Variants in CEP162 observed in about 807,000 individuals in gnomAD.
The protein encoded by CEP162 is centrosomal protein 162, also known as centrosomal protein of 162 kDa.
Under a neutral mutation model 169.2 loss-of-function variants are expected in CEP162, and 141 were observed. The observed-to-expected ratio is 0.83, with a 90% CI of 0.73 to 0.96. The LOEUF is 0.96. CEP162 is among the 40% of genes least tolerant of loss of function. CEP162 has a pLI of 0.00. For synonymous variants in CEP162, 540 were observed against 526.4 expected, an observed-to-expected ratio of 1.03 and a Z score of -0.35; for missense variants, 1,600 against 1,587.2, an observed-to-expected ratio of 1.01 and a Z score of -0.14.
intron 11 of CEP162, among the ~76,000 whole-genome samples, chr6:84,189,254 C>T (rs1433019464): frequency 2.0e-5 from 3 of 152,170 alleles, no homozygotes; most frequent in Non-Finnish European, 4.4e-5. Flanking sequence ...CCTGCCTGGG[C>T]TCCCACTTTG....
At chr6:84,170,373 C>CAAAAA (rs57988482) in intron 17 of CEP162, among the ~76,000 whole-genome samples, 2 of 28,348 alleles carry the variant, frequency 7.1e-5, no homozygotes, top group Non-Finnish European at 2.5e-4. Context: ...GACTCCGTCT[C>CAAAAA]AAAAAAAAAA....
At chr6:84,173,049 A>G (rs1033621607) in intron 16 of CEP162, among the ~76,000 whole-genome samples, 3 of 152,206 alleles carry the variant, frequency 2.0e-5, no homozygotes, top group African/African-American at 7.2e-5. Flanking sequence ...TTTCACCCTC[A>G]GGGCATTAGC....
intron 23 of CEP162, among the ~76,000 whole-genome samples, chr6:84,149,911 A>G (rs1391788694): frequency 6.6e-6 from 1 of 151,938 alleles, no homozygotes; most frequent in Non-Finnish European, 1.5e-5. Context: ...ACTGAATTTT[A>G]TAAGGGCAAA....
chr6:84,195,121 C>T lies in CEP162; in HGVS notation c.836-46G>A. The stretch of plus-strand genomic sequence containing the variant: ...ACCAGAAATAATTACATCACAAATA[C>T]ATGAGAACGATAAAACACTAATATC... On this transcript the variant is annotated intron_variant, in intron 9 of 26. Coordinates refer to ENST00000403245, the MANE Select transcript of CEP162 (RefSeq NM_014895.4). 2 of 1,383,712 alleles carry T rather than the reference C, an allele frequency of 1.4e-6. 1 individual carries two copies. 85.7% of individuals were successfully genotyped at this position (1,383,712 alleles called of 1,614,324 possible).
At chr6:84,212,905 A>G in intron 6 of CEP162, 52 bp downstream of exon 6, 2 of 1,079,804 alleles carry the variant, frequency 1.9e-6, no homozygotes, top group East Asian at 2.6e-5. Flanking sequence ...GTCTTTATTA[A>G]AAGCTATATT....
chr6:84,177,511 T>G (rs1562046606), intron 13 of CEP162, among the ~76,000 whole-genome samples: 1 of 152,018 alleles, frequency 6.6e-6, no homozygotes, highest in Non-Finnish European at 1.5e-5. Flanking sequence ...CACCCAGAGG[T>G]TCACAATAAA....
chr6:84,186,651 T>C, intron 11 of CEP162, 28 bp from the exon 12 acceptor site: 1 of 1,560,732 alleles, frequency 6.4e-7, no homozygotes, highest in Non-Finnish European at 8.6e-7. Flanking sequence ...ACACAGATAA[T>C]GAACCCTATG....
chr6:84,209,463 C>T (rs1489346083), intron 6 of CEP162, among the ~76,000 whole-genome samples: 1 of 151,878 alleles, frequency 6.6e-6, no homozygotes, highest in Non-Finnish European at 1.5e-5. Flanking sequence ...CAACCTCTGC[C>T]TCCTGGGTCC....
chr6:84,124,769 C>T lies in CEP162; in HGVS notation c.*301G>A, dbSNP rs567832866. 23 of 338,484 alleles carry T rather than the reference C, an allele frequency of 6.8e-5. No individual in the cohort carries two copies. Among genetic ancestry groups the T allele is most frequent in the South Asian group, 6.2e-4 (17 of 27,364 alleles). 21.0% of individuals were successfully genotyped at this position (338,484 alleles called of 1,614,324 possible). A position where few individuals can be genotyped will look rare whatever the true frequency, so the allele number is the denominator to read the frequency against. ...CCTCACATTATCAATAAAAATGTGG[C>T]GGAGTATGTTCAATTTTCTTTTCTT... On this transcript the variant is annotated 3_prime_UTR_variant, in exon 27 of 27. Coordinates refer to ENST00000403245, the MANE Select transcript of CEP162 (RefSeq NM_014895.4).
At chr6:84,210,265 G>T (rs1302909189) in intron 6 of CEP162, among the ~76,000 whole-genome samples, 1 of 152,156 alleles carries the variant, frequency 6.6e-6, no homozygotes, top group African/African-American at 2.4e-5. Context: ...AATTGTAAAA[G>T]AACCTTTTGG....
intron 6 of CEP162, among the ~76,000 whole-genome samples, chr6:84,207,609 C>T (rs1391886184): frequency 2.6e-5 from 4 of 151,562 alleles, no homozygotes; most frequent in Admixed American, 6.6e-5. Context: ...GGAGATATAC[C>T]TAATGTAAAT....
chr6:84,155,558 A>G, intron 21 of CEP162, 48 bp from the exon 22 acceptor site: 1 of 1,269,688 alleles, frequency 7.9e-7, no homozygotes, highest in Non-Finnish European at 1.1e-6. Context: ...TTAATAAATG[A>G]ATTCAGTAAA....
Position 84,174,915 on chromosome 6 carries a change from A to G in CEP162, c.1837T>C (p.Leu613=). The change falls in exon 15 of 27, where the codon TTA becomes CTA. Residue 613 remains leucine, a synonymous_variant. Coordinates refer to ENST00000403245, the MANE Select transcript of CEP162 (RefSeq NM_014895.4). ...TCCTGAACTCTTTTAAACATAAGTA[A>G]TTTCTTCTCCTTGTTCTCACCACAG... The part of the protein sequence containing the change: ...GYCGENKEKK[L]LMFKRVQEAE... 6.3e-7 allele frequency: 1 copy of G among 1,591,530 alleles called. No homozygotes were observed. The highest frequency in any genetic ancestry group is 8.6e-7 in the Non-Finnish European group (1 of 1,168,480).
At chr6:84,188,378 C>T (rs1049233076) in intron 11 of CEP162, among the ~76,000 whole-genome samples, 4 of 152,106 alleles carry the variant, frequency 2.6e-5, no homozygotes, top group Non-Finnish European at 5.9e-5. Context: ...TCGATCTTCA[C>T]CCTCCTCCCA....
At chr6:84,198,516 G>A (rs2099543100) in intron 9 of CEP162, among the ~76,000 whole-genome samples, 1 of 152,142 alleles carries the variant, frequency 6.6e-6, no homozygotes, top group Non-Finnish European at 1.5e-5. Context: ...CTGACCTCAG[G>A]TGATCTGCCC....
Position 84,154,234 on chromosome 6 carries a change from A to G in CEP162, c.2995-1055T>C, listed in dbSNP as rs532686395. On this transcript the variant is annotated intron_variant, in intron 22 of 26. Transcript: ENST00000403245. ...TAGCGGGTTGGAGTTTACACCTGAC[A>G]GTCTTATTTAGTTGGTGGAACACTA... Among the ~76,000 whole-genome samples the G allele has an allele frequency of 6.6e-5, 10 of 152,252 alleles. No individual in the cohort carries two copies. In the East Asian group the frequency reaches 7.7e-4, roughly 12 times the overall value.
At chr6:84,171,878 A>G (rs552883566) in intron 16 of CEP162, among the ~76,000 whole-genome samples, 160 bp from the exon 17 acceptor site, 1 of 152,324 alleles carries the variant, frequency 6.6e-6, no homozygotes, top group African/African-American at 2.4e-5. Flanking sequence ...TTATATCTGA[A>G]GAAAATTTGG....
chr6:84,225,528 A>G (rs2099555363), intron 2 of CEP162, among the ~76,000 whole-genome samples: 1 of 152,196 alleles, frequency 6.6e-6, no homozygotes, highest in Admixed American at 6.5e-5. Context: ...ATGACTGTAC[A>G]CAGAACGTGG....
rs1471448656 is a variant in CEP162 at position 84,215,921 on chromosome 6, T to C, written c.174A>G (p.Gly58=). The change falls in exon 4 of 27, where the codon GGA becomes GGG. Residue 58 remains glycine (G), a splice_region_variant and synonymous_variant. Coordinates refer to ENST00000403245, the MANE Select transcript of CEP162 (RefSeq NM_014895.4). Reference sequence around the variant, plus strand: ...AATAGCTCACATTTGTTCCAAGAAGTCCTAGGTACACAATTTAATACAGAT... The same window carrying C: ...AATAGCTCACATTTGTTCCAAGAAGCCCTAGGTACACAATTTAATACAGAT... ...WITEDDFKDD[G]LLGTNVSYLK... 3 of 1,557,900 alleles carry C rather than the reference T, an allele frequency of 1.9e-6. No homozygotes were observed. Among genetic ancestry groups the C allele is most frequent in the African/African-American group, 2.7e-5 (2 of 73,078 alleles).
Sources: gnomAD v4.1 joint callset for allele counts (sites outside exome capture counted in the v4.1 genomes callset) on GRCh38, gnomAD v4.1.1 for gene constraint, MANE v1.5 for transcripts, NCBI Gene and HGNC (gene_info 2026-07-23, HGNC 2026-07-21) for gene names.